KCNIP4: variants seen among roughly 807,000 people sequenced by gnomAD.
KCNIP4 encodes Kv channel-interacting protein 4.
A neutral mutation model predicts 34.0 loss-of-function variants in KCNIP4; 12 were observed. The observed-to-expected ratio is 0.35, with a 90% CI of 0.23 to 0.57. KCNIP4 has a LOEUF of 0.57. Among genes scored for constraint, KCNIP4 ranks in the 20% least tolerant of loss-of-function variants. The pLI is 0.83. For synonymous variants in KCNIP4, 124 were observed against 102.2 expected (o/e 1.21, Z -1.29); for missense variants, 238 against 311.7 (o/e 0.76, Z 1.78).
chr4:21,769,822 C>A (rs547333247), intron 1 of KCNIP4, among the ~76,000 whole-genome samples: 1 of 151,952 alleles, frequency 6.6e-6, no homozygotes, highest in Admixed American at 6.6e-5. Context: ...AAATTCTGTT[C>A]GTCAATAAAA....
chr4:21,423,206 A>T (rs1211578305), intron 1 of KCNIP4, among the ~76,000 whole-genome samples: 2 of 152,202 alleles, frequency 1.3e-5, no homozygotes, highest in Non-Finnish European at 2.9e-5. Flanking sequence ...AAAAGCAACA[A>T]AACCCTTTTA....
chr4:21,247,592 T>TATATAC lies in KCNIP4; in HGVS notation c.62-364884_62-364883insGTATAT, dbSNP rs551818480. Among the ~76,000 whole-genome samples, 81 of 144,294 alleles carry TATATAC rather than the reference T, an allele frequency of 5.6e-4. 1 individual carries two copies. Among genetic ancestry groups the TATATAC allele is most frequent in the African/African-American group, 2.0e-3 (78 of 39,180 alleles). 94.7% of individuals were successfully genotyped at this position (144,294 alleles called of 152,430 possible). ...AGATATAAATACATATATATATATA[T>TATATAC]ACACCACAGATGGTATATATATTTA... is the stretch of plus-strand genomic sequence containing the variant. On this transcript the variant is annotated intron_variant, in intron 1 of 8. Coordinates refer to ENST00000382152, the MANE Select transcript of KCNIP4 (RefSeq NM_025221.6).
intron 1 of KCNIP4, among the ~76,000 whole-genome samples, chr4:21,276,139 C>G (rs1207171779): frequency 6.6e-6 from 1 of 152,164 alleles, no homozygotes; most frequent in Admixed American, 6.5e-5. Context: ...ACAAAATACC[C>G]TAGGAAAATA....
chr4:21,445,728 T>C (rs2109723753), intron 1 of KCNIP4, among the ~76,000 whole-genome samples: 1 of 152,240 alleles, frequency 6.6e-6, no homozygotes, highest in East Asian at 1.9e-4. Context: ...AGACTTCATG[T>C]CTAAAACACC....
At chr4:21,765,831 A>AC (rs1718376798) in intron 1 of KCNIP4, among the ~76,000 whole-genome samples, 1 of 151,242 alleles carries the variant, frequency 6.6e-6, no homozygotes, top group Non-Finnish European at 1.5e-5. Flanking sequence ...AAAAAAAAAA[A>AC]AAAAAAAACA....
chr4:21,716,227 T>C (rs1714364451), intron 1 of KCNIP4, among the ~76,000 whole-genome samples: 1 of 152,028 alleles, frequency 6.6e-6, no homozygotes, highest in African/African-American at 2.4e-5. Flanking sequence ...AACATAATAG[T>C]CTTTTTTTAA....
chr4:21,863,436 C>T (rs1303103784), intron 1 of KCNIP4, among the ~76,000 whole-genome samples: 2 of 152,174 alleles, frequency 1.3e-5, no homozygotes, highest in Non-Finnish European at 2.9e-5. Context: ...GTACTATCCC[C>T]TCTCAATTTG....
chr4:21,083,238 G>A (rs1402801876), intron 1 of KCNIP4, among the ~76,000 whole-genome samples: 1 of 151,432 alleles, frequency 6.6e-6, no homozygotes, highest in Non-Finnish European at 1.5e-5. Flanking sequence ...CTTGCTTCTG[G>A]TCTCTCTTCT....
chr4:20,814,124 A>C (rs1716096941), intron 3 of KCNIP4, among the ~76,000 whole-genome samples: 2 of 152,178 alleles, frequency 1.3e-5, no homozygotes, highest in Non-Finnish European at 2.9e-5. Context: ...AGGGTCCCAC[A>C]GCGTCAGTGT....
At chr4:20,874,269 T>C (rs562033223) in intron 2 of KCNIP4, among the ~76,000 whole-genome samples, 3 of 152,210 alleles carry the variant, frequency 2.0e-5, no homozygotes, top group Non-Finnish European at 4.4e-5. Context: ...CCAAATAGGC[T>C]AATCCCAGAG....
intron 3 of KCNIP4, among the ~76,000 whole-genome samples, chr4:20,834,127 A>T (rs1483154483): frequency 6.6e-6 from 1 of 152,132 alleles, no homozygotes; most frequent in East Asian, 1.9e-4. Context: ...CAAAACAAGG[A>T]CCAAACAAAC....
chr4:21,729,549 G>C (rs1327384469), intron 1 of KCNIP4, among the ~76,000 whole-genome samples: 1 of 151,260 alleles, frequency 6.6e-6, no homozygotes, highest in Non-Finnish European at 1.5e-5. Flanking sequence ...GTTCTATGGA[G>C]CCTCAAGTGT....
chr4:21,421,672 G>T (rs895730025), intron 1 of KCNIP4, among the ~76,000 whole-genome samples: 1 of 152,136 alleles, frequency 6.6e-6, no homozygotes, highest in East Asian at 1.9e-4. Flanking sequence ...AGATAAATAA[G>T]TTCTGAATAT....
intron 1 of KCNIP4, among the ~76,000 whole-genome samples, chr4:21,491,804 G>T (rs1055504451): frequency 1.3e-5 from 2 of 151,226 alleles, no homozygotes; most frequent in Non-Finnish European, 2.9e-5. Flanking sequence ...TTTTCTATAG[G>T]TTTGGGTGCT....
intron 1 of KCNIP4, among the ~76,000 whole-genome samples, chr4:21,881,734 A>G (rs1282278744): frequency 2.0e-5 from 3 of 152,192 alleles, no homozygotes; most frequent in Non-Finnish European, 4.4e-5. Context: ...AAGTTTCTAA[A>G]TATGTTTTGG....
chr4:21,493,558 A>G (rs1196227282), intron 1 of KCNIP4, among the ~76,000 whole-genome samples: 4 of 152,186 alleles, frequency 2.6e-5, no homozygotes, highest in Non-Finnish European at 4.4e-5. Context: ...GTGTCTTTAC[A>G]TTCCATTCTA....
At chr4:21,780,198 G>A (rs927450138) in intron 1 of KCNIP4, among the ~76,000 whole-genome samples, 18 of 152,124 alleles carry the variant, frequency 1.2e-4, no homozygotes, top group African/African-American at 3.4e-4. Flanking sequence ...CTGGAAGCAG[G>A]AAATTGTGAG....
chr4:21,407,651 G>A lies in KCNIP4; in HGVS notation c.62-524942C>T, dbSNP rs114071262. The stretch of plus-strand genomic sequence containing the variant: ...CTAAGCTAGAATTGGTATCAGTTTA[G>A]TGCCAGAACCTAAACTCTTAACTAA... On this transcript the variant is annotated intron_variant, in intron 1 of 8. Coordinates refer to ENST00000382152, the MANE Select transcript of KCNIP4 (RefSeq NM_025221.6). 5.7e-3 allele frequency among the ~76,000 whole-genome samples: 864 copies of A among 152,272 alleles called. 6 individuals carry two copies. The highest frequency in any genetic ancestry group is 0.02 in the African/African-American group (837 of 41,554).
chr4:21,614,929 G>A (rs1323871115), intron 1 of KCNIP4, among the ~76,000 whole-genome samples: 2 of 152,138 alleles, frequency 1.3e-5, no homozygotes, highest in Non-Finnish European at 1.5e-5. Flanking sequence ...GTCACCGTCT[G>A]AAGCCATCCT....
Sources: allele counts gnomAD v4.1 joint callset (sites outside exome capture counted in the v4.1 genomes callset), GRCh38; gene constraint gnomAD v4.1.1; transcripts MANE v1.5; gene names NCBI Gene and HGNC (gene_info 2026-07-23, HGNC 2026-07-21).